SLC6A18: variants seen among roughly 807,000 people sequenced by gnomAD.
SLC6A18 encodes the protein solute carrier family 6 member 18.
In SLC6A18, 58 loss-of-function variants were observed where a neutral mutation model predicts 62.9. The observed-to-expected ratio is 0.92, with a 90% CI of 0.75 to 1.15. The LOEUF (loss-of-function observed/expected upper bound fraction) is 1.15, where lower values mean the gene tolerates loss of function less well. SLC6A18 is among the 50% of genes most tolerant of loss of function. SLC6A18 has a pLI of 0.00. For synonymous variants in SLC6A18, 382 were observed against 365.8 expected, an observed-to-expected ratio of 1.04 and a Z score of -0.51; for missense variants, 793 against 836.6, an observed-to-expected ratio of 0.95 and a Z score of 0.64.
intron 7 of SLC6A18, 150 bp downstream of exon 7, chr5:1,240,809 T>C: frequency 1.8e-6 from 2 of 1,126,822 alleles, no homozygotes; most frequent in Non-Finnish European, 2.5e-6. Flanking sequence ...AGAAGGTCAC[T>C]TCCACCCAAA....
At chr5:1,233,857 T>G (rs1746806464) in intron 3 of SLC6A18, among the ~76,000 whole-genome samples, 1 of 151,856 alleles carries the variant, frequency 6.6e-6, no homozygotes, top group Non-Finnish European at 1.5e-5. Context: ...TTCTCCTGCC[T>G]CAGCCTCCCA....
chr5:1,230,220 C>G (rs373437272), intron 1 of SLC6A18, among the ~76,000 whole-genome samples: 1 of 140,290 alleles, frequency 7.1e-6, no homozygotes, highest in Non-Finnish European at 1.6e-5. Flanking sequence ...GGGGCTCTCA[C>G]GGTACAGGCT....
At chr5:1,232,441 C>A in intron 2 of SLC6A18, 82 bp downstream of exon 2, 1 of 1,522,080 alleles carries the variant, frequency 6.6e-7, no homozygotes, top group South Asian at 1.2e-5. Flanking sequence ...GGGGGCGGGT[C>A]CATGCCTGTG....
At chr5:1,226,678 G>A (rs551183946) in intron 1 of SLC6A18, among the ~76,000 whole-genome samples, 33 of 152,316 alleles carry the variant, frequency 2.2e-4, no homozygotes, top group Middle Eastern at 3.4e-3. Flanking sequence ...GGGCTTTGGG[G>A]CTGGAGAGGG....
Position 1,228,247 on chromosome 5 carries a change from G to C in SLC6A18, c.160+2610G>C, listed in dbSNP as rs114903367. ...CCTGTGCTGCTTTCTACACTGCCCG[G>C]GGGGAGTTTCCACCTTGACGGCCTT... On this transcript the variant is annotated intron_variant, in intron 1 of 11. Coordinates refer to ENST00000324642, the MANE Select transcript of SLC6A18 (RefSeq NM_182632.3). 2.0e-3 allele frequency among the ~76,000 whole-genome samples: 303 copies of C among 152,314 alleles called. 2 individuals carry two copies. Among genetic ancestry groups the C allele is most frequent in the Middle Eastern group, 0.014 (4 of 294 alleles).
At chr5:1,226,459 G>T (rs1182623522) in intron 1 of SLC6A18, among the ~76,000 whole-genome samples, 1 of 152,212 alleles carries the variant, frequency 6.6e-6, no homozygotes, top group Non-Finnish European at 1.5e-5. Context: ...AGGCCGGGCT[G>T]CTTGGTCAGC....
chr5:1,242,976 CA>C lies in SLC6A18; in HGVS notation c.1131+114del, dbSNP rs1747105902. The C allele has an allele frequency of 3.9e-6, 5 of 1,281,866 alleles. No homozygotes were observed. In the Admixed American group the frequency reaches 1.3e-4, roughly 32 times the overall value. 79.4% of individuals were successfully genotyped at this position (1,281,866 alleles called of 1,614,324 possible). On this transcript the variant is annotated intron_variant, in intron 8 of 11. Coordinates refer to ENST00000324642, the MANE Select transcript of SLC6A18 (RefSeq NM_182632.3). The stretch of plus-strand genomic sequence containing the variant: ...CAAACAATTCCCACAGACCCAGGGC[CA>C]GGGCCTGTGAACCAAGAACCCCAGT...
intron 1 of SLC6A18, among the ~76,000 whole-genome samples, chr5:1,225,865 C>A (rs1746545126): frequency 6.6e-6 from 1 of 152,182 alleles, no homozygotes; most frequent in South Asian, 2.1e-4. Context: ...AGGATCCAGT[C>A]CCCTCGGGGT....
Position 1,243,662 on chromosome 5 carries a change from G to A in SLC6A18, c.1239G>A (p.Leu413=), listed in dbSNP as rs1475645027. ...AMLFFGMLFT[L]GLSTMFGTVE... ...TCTTCTTCGGGATGCTGTTCACCTTGGGGCTATCGACCATGTTCGGGACCG... is the reference window on the plus strand; with the variant it reads ...TCTTCTTCGGGATGCTGTTCACCTTAGGGCTATCGACCATGTTCGGGACCG... Residue 413 remains leucine, a synonymous_variant, in exon 9 of 12, where the codon TTG becomes TTA. Transcript: ENST00000324642. The surrounding 1 kb of genome is among the most constrained non-coding windows in gnomAD (Gnocchi z 6.5). 8 of 1,613,936 alleles carry A rather than the reference G, an allele frequency of 5.0e-6. No homozygotes were observed. Among genetic ancestry groups the A allele is most frequent in the Non-Finnish European group, 6.8e-6 (8 of 1,179,994 alleles).
In SLC6A18 at chr5:1,243,445, T is replaced by C. The variant is rs887108007; in HGVS notation, c.1132-110T>C. 3.4e-5 allele frequency: 42 copies of C among 1,242,786 alleles called. No individual in the cohort carries two copies. Among genetic ancestry groups the C allele is most frequent in the Non-Finnish European group, 4.8e-5 (42 of 879,838 alleles). The allele number at this position is 1,242,786 out of a possible 1,614,324, so 77.0% of individuals were successfully genotyped here. On this transcript the variant is annotated intron_variant, in intron 8 of 11. Coordinates refer to ENST00000324642, the MANE Select transcript of SLC6A18 (RefSeq NM_182632.3). This position sits in a 1 kb window ranked among gnomAD's most constrained non-coding sequence, Gnocchi z 6.5. The stretch of plus-strand genomic sequence containing the variant: ...CTCAGCCCGACACCAGGAGGGGTGA[T>C]GTGCACTCGTGTCCTCGGCCTGGGA...
intron 1 of SLC6A18, among the ~76,000 whole-genome samples, chr5:1,230,583 G>C (rs1268494471): frequency 6.6e-6 from 1 of 152,210 alleles, no homozygotes; most frequent in African/African-American, 2.4e-5. Flanking sequence ...TCCCACTCTA[G>C]GGCCTCCCTG....
chr5:1,229,805 C>T (rs1746676632), intron 1 of SLC6A18, among the ~76,000 whole-genome samples: 1 of 144,496 alleles, frequency 6.9e-6, no homozygotes, highest in South Asian at 2.2e-4. Context: ...GATGTTTTCA[C>T]AGTGCAGGCT....
At chr5:1,230,459 C>T (rs976628674) in intron 1 of SLC6A18, among the ~76,000 whole-genome samples, 23 of 152,204 alleles carry the variant, frequency 1.5e-4, no homozygotes, top group Admixed American at 5.9e-4. Flanking sequence ...TCAGCTTCCC[C>T]TCTTCAATGC....
At position 1,243,800 on chromosome 5, in the gene SLC6A18, GC is replaced by G; in HGVS notation, c.1336+42del. ...CGCCGCCCTGGAGGACCCGTCCCCA[GC>G]ATCTGACTGTCCACTCCCGCCCGCT... On this transcript the variant is annotated intron_variant, in intron 9 of 11. Coordinates refer to ENST00000324642, the MANE Select transcript of SLC6A18 (RefSeq NM_182632.3). The surrounding 1 kb of genome is among the most constrained non-coding windows in gnomAD (Gnocchi z 6.5). 1 of 1,537,426 alleles carries G rather than the reference GC, an allele frequency of 6.5e-7. No homozygotes were observed. Among genetic ancestry groups the G allele is most frequent in the Non-Finnish European group, 8.8e-7 (1 of 1,139,714 alleles).
At chr5:1,232,134 G>A (rs951549191) in intron 1 of SLC6A18, 85 bp from the exon 2 acceptor site, 4 of 1,276,654 alleles carry the variant, frequency 3.1e-6, no homozygotes, top group African/African-American at 2.9e-5. Context: ...GCCCCTTGAA[G>A]ACCACAGGTG....
In SLC6A18 at chr5:1,246,094, G is replaced by A. The variant is rs1244090338; in HGVS notation, c.*16G>A. On this transcript the variant is annotated 3_prime_UTR_variant, in exon 12 of 12. Transcript: ENST00000324642. ...CATGCGCTGAAGCCGGCCGGAGCGG[G>A]GCCTGCATGGGCGGGTCTGTGGGGG... 11 of 1,545,156 alleles carry A rather than the reference G, an allele frequency of 7.1e-6. No homozygotes were observed. The African/African-American group carries it at 1.5e-4, about 21-fold the overall frequency.
rs74514630 is a variant in SLC6A18, at chr5:1,228,547, T to C, written c.160+2910T>C. ...GTGGGGTGCAGGTTTCTCTCGATCC[T>C]GCGTGGATCGATTGTAACAGCAGCC... On this transcript the variant is annotated intron_variant, in intron 1 of 11. Transcript: ENST00000324642. Among the ~76,000 whole-genome samples the C allele has an allele frequency of 1.4e-4, 21 of 152,312 alleles. 1 individual carries two copies. In the East Asian group the frequency reaches 4.1e-3, roughly 29 times the overall value.
chr5:1,242,331 G>A (rs1417564451), intron 7 of SLC6A18, among the ~76,000 whole-genome samples: 1 of 152,080 alleles, frequency 6.6e-6, no homozygotes, highest in African/African-American at 2.4e-5. Context: ...CAGCACAGAC[G>A]TCCACACGAT....
chr5:1,242,962 C>A, intron 8 of SLC6A18, 99 bp downstream of exon 8: 1 of 1,378,830 alleles, frequency 7.3e-7, no homozygotes, highest in Non-Finnish European at 9.8e-7. Flanking sequence ...AAACAATTCC[C>A]ACAGACCCAG....
Sources: gnomAD v4.1 joint callset for allele counts (sites outside exome capture counted in the v4.1 genomes callset) on GRCh38, gnomAD v4.1.1 for gene constraint, Gnocchi (gnomAD v3.1) non-coding constraint, MANE v1.5 for transcripts, NCBI Gene and HGNC (gene_info 2026-07-23, HGNC 2026-07-21) for gene names.